Variants in GABRB3 observed in about 807,000 individuals in gnomAD.
The protein encoded by GABRB3 is gamma-aminobutyric acid receptor subunit beta-3.
GABRB3 carries 14 observed loss-of-function variants against 52.1 expected under a neutral mutation model. The observed-to-expected ratio is 0.27, with a 90% CI of 0.18 to 0.42. GABRB3 has a LOEUF of 0.42. Ranked by LOEUF, GABRB3 falls within the 10% of genes least tolerant of loss-of-function variation. GABRB3 has a pLI of 1.00. For missense variants in GABRB3, 307 were observed against 609.1 expected (o/e 0.50, Z 5.22); for synonymous variants, 260 against 232.3 (o/e 1.12, Z -1.08).
At chr15:26,664,621 A>G (rs1342678292) in intron 3 of GABRB3, among the ~76,000 whole-genome samples, 1 of 151,574 alleles carries the variant, frequency 6.6e-6, no homozygotes, top group African/African-American at 2.4e-5. Flanking sequence ...ATGTTCTGAT[A>G]TAGTCATACA....
chr15:26,715,605 G>A (rs935720977), intron 3 of GABRB3, among the ~76,000 whole-genome samples: 2 of 152,136 alleles, frequency 1.3e-5, no homozygotes, highest in East Asian at 1.9e-4. Context: ...TTTATAAACC[G>A]ATTCTCTTAC....
chr15:26,557,392 A>G (rs1234201210), intron 8 of GABRB3, among the ~76,000 whole-genome samples: 2 of 152,198 alleles, frequency 1.3e-5, no homozygotes, highest in African/African-American at 4.8e-5. Context: ...CTTTAGCCAT[A>G]TAACAAACCT....
rs1892485601 is a variant in GABRB3 at position 26,621,548 on chromosome 15, AAAAG to A, written c.241-18_241-15del. 3 of 1,600,340 alleles carry A rather than the reference AAAAG, an allele frequency of 1.9e-6. No individual in the cohort carries two copies. The highest frequency in any genetic ancestry group is 2.6e-6 in the Non-Finnish European group (3 of 1,168,252). On this transcript the variant is annotated splice_polypyrimidine_tract_variant and intron_variant, in intron 3 of 8. Coordinates refer to ENST00000311550, the MANE Select transcript of GABRB3 (RefSeq NM_000814.6). This position sits in a 1 kb window ranked among gnomAD's most constrained non-coding sequence, Gnocchi z 4.1. ...TAAGGTATAATCCTGGGGGGAAAAG[AAAAG>A]AAAGAAAGTTAGTTTGTACCCAGCC...
chr15:26,759,564 A>G (rs540568239), intron 3 of GABRB3, among the ~76,000 whole-genome samples: 145 of 152,260 alleles, frequency 9.5e-4, no homozygotes, highest in African/African-American at 3.3e-3. Flanking sequence ...CAGCCAAAAC[A>G]TTATTTTTTG....
chr15:26,762,713 C>T (rs1248375408), intron 3 of GABRB3, among the ~76,000 whole-genome samples: 3 of 152,186 alleles, frequency 2.0e-5, no homozygotes, highest in Non-Finnish European at 4.4e-5. Flanking sequence ...CACACATTAA[C>T]GTTCTATAGG....
At chr15:26,559,928 T>C (rs1188015129) in intron 8 of GABRB3, among the ~76,000 whole-genome samples, 1 of 152,188 alleles carries the variant, frequency 6.6e-6, no homozygotes. Context: ...CTTTTGGACT[T>C]TGCTTTTTCT....
intron 4 of GABRB3, among the ~76,000 whole-genome samples, chr15:26,598,315 C>T (rs371148551): frequency 9.2e-5 from 14 of 151,978 alleles, no homozygotes; most frequent in African/African-American, 3.4e-4. Context: ...AAGAGGATTA[C>T]CCATCAACAT....
intron 4 of GABRB3, among the ~76,000 whole-genome samples, chr15:26,595,885 A>G (rs994693066): frequency 6.6e-6 from 1 of 152,142 alleles, no homozygotes; most frequent in African/African-American, 2.4e-5. Context: ...TATGCTATAT[A>G]AGCCCTGGAT....
At position 26,550,318 on chromosome 15, in the gene GABRB3, T is replaced by C. The variant is rs571918961; in HGVS notation, c.1081-2184A>G. ...ACAGCCCAAAATCAAATAATCCCAT[T>C]AGAAAGTGGACAAAGGATCTGAATA... On this transcript the variant is annotated intron_variant, in intron 8 of 8. Transcript: ENST00000311550. Among the ~76,000 whole-genome samples the C allele has an allele frequency of 2.6e-5, 4 of 152,030 alleles. No homozygotes were observed. The East Asian group carries it at 7.8e-4, about 30-fold the overall frequency.
At chr15:26,679,211 G>GA (rs947567310) in intron 3 of GABRB3, among the ~76,000 whole-genome samples, 2 of 152,134 alleles carry the variant, frequency 1.3e-5, no homozygotes, top group Non-Finnish European at 2.9e-5. Context: ...CTTTTGGGGG[G>GA]AAAGTCCCTC....
At chr15:26,652,917 A>C (rs1222281953) in intron 3 of GABRB3, among the ~76,000 whole-genome samples, 1 of 152,210 alleles carries the variant, frequency 6.6e-6, no homozygotes, top group Admixed American at 6.5e-5. Flanking sequence ...CTTTAAAATA[A>C]GGATAACACG....
chr15:26,773,026 G>T lies in GABRB3; in HGVS notation c.-64C>A, dbSNP rs1566838346. 6.5e-6 allele frequency: 7 copies of T among 1,075,918 alleles called. No individual in the cohort carries two copies. The highest frequency in any genetic ancestry group is 2.7e-5 in the African/African-American group (1 of 37,634). 66.6% of individuals were successfully genotyped at this position (1,075,918 alleles called of 1,614,324 possible). A position where few individuals can be genotyped will look rare whatever the true frequency, so the allele number is the denominator to read the frequency against. On this transcript the variant is annotated 5_prime_UTR_variant, in exon 1 of 9. Coordinates refer to ENST00000311550, the MANE Select transcript of GABRB3 (RefSeq NM_000814.6). ...GCCGCCGTCGCGACCCGCAGCCGGG[G>T]CTGCTCCTGCTGCTGCCGCCGCCGC...
intron 3 of GABRB3, among the ~76,000 whole-genome samples, chr15:26,768,660 GA>G (rs1891061331): frequency 6.6e-6 from 1 of 151,934 alleles, no homozygotes; most frequent in Non-Finnish European, 1.5e-5. Flanking sequence ...CTCACTTATA[GA>G]AATATACAAA....
chr15:26,641,466 A>C (rs941459976), intron 3 of GABRB3, among the ~76,000 whole-genome samples: 1 of 152,230 alleles, frequency 6.6e-6, no homozygotes, highest in Admixed American at 6.5e-5. Flanking sequence ...TGAGGTTCAA[A>C]ACTGACACTA....
chr15:26,739,303 T>G (rs918911489), intron 3 of GABRB3, among the ~76,000 whole-genome samples: 1 of 152,042 alleles, frequency 6.6e-6, no homozygotes, highest in Non-Finnish European at 1.5e-5. Flanking sequence ...TAGACACCAC[T>G]GTGTGCAGCT....
Position 26,544,999 on chromosome 15 carries a change from G to A in GABRB3, c.*2794C>T, listed in dbSNP as rs956036509. ...CGAGAGGTCATTTTAACACAACAGA[G>A]ACTCCAATTCAACTCTCTTCTGTTA... On this transcript the variant is annotated 3_prime_UTR_variant, in exon 9 of 9. Transcript: ENST00000311550. The A allele has an allele frequency of 9.8e-5, 15 of 152,484 alleles. No individual in the cohort carries two copies. Among genetic ancestry groups the A allele is most frequent in the African/African-American group, 3.6e-4 (15 of 41,378 alleles). 9.4% of individuals were successfully genotyped at this position (152,484 alleles called of 1,614,324 possible). A position where few individuals can be genotyped will look rare whatever the true frequency, so the allele number is the denominator to read the frequency against.
intron 8 of GABRB3, among the ~76,000 whole-genome samples, chr15:26,548,996 G>A (rs1263715506): frequency 6.6e-6 from 1 of 152,020 alleles, no homozygotes; most frequent in Non-Finnish European, 1.5e-5. Flanking sequence ...CAGTCCCCTG[G>A]GCTTTCACTC....
chr15:26,641,174 T>C (rs1412190583), intron 3 of GABRB3, among the ~76,000 whole-genome samples: 1 of 152,214 alleles, frequency 6.6e-6, no homozygotes. Flanking sequence ...TCAGCCTCTA[T>C]AGCACTACAG....
chr15:26,618,606 G>A (rs1892355503), intron 4 of GABRB3, among the ~76,000 whole-genome samples: 1 of 152,136 alleles, frequency 6.6e-6, no homozygotes, highest in Admixed American at 6.5e-5. Flanking sequence ...CATAGGCATG[G>A]GCAAGGACTT....
Sources: allele counts gnomAD v4.1 joint callset (sites outside exome capture counted in the v4.1 genomes callset), GRCh38; gene constraint gnomAD v4.1.1; non-coding constraint Gnocchi (gnomAD v3.1); transcripts MANE v1.5; gene names NCBI Gene and HGNC (gene_info 2026-07-23, HGNC 2026-07-21).